NCAM2: variants seen among roughly 807,000 people sequenced by gnomAD.
The protein encoded by NCAM2 is neural cell adhesion molecule 2, also known as N-CAM-2.
Under a neutral mutation model 98.1 loss-of-function variants are expected in NCAM2, and 30 were observed. The ratio of observed to expected loss-of-function variants is 0.31; its 90% confidence interval spans 0.23 to 0.41. The LOEUF is 0.41. Ranked by LOEUF, NCAM2 falls within the 10% of genes least tolerant of loss-of-function variation. NCAM2 has a pLI of 1.00. For missense variants in NCAM2, 867 were observed against 1,005.8 expected, an observed-to-expected ratio of 0.86 and a Z score of 1.87; for synonymous variants, 368 against 342.4, an observed-to-expected ratio of 1.07 and a Z score of -0.83.
chr21:21,405,802 A>G (rs1477769439), intron 9 of NCAM2, among the ~76,000 whole-genome samples: 3 of 152,198 alleles, frequency 2.0e-5, no homozygotes, highest in Non-Finnish European at 4.4e-5. Flanking sequence ...TTTCTTATTA[A>G]TTCAAAATGG....
chr21:21,502,317 ACT>A (rs1987690187), intron 15 of NCAM2, among the ~76,000 whole-genome samples: 1 of 151,902 alleles, frequency 6.6e-6, no homozygotes, highest in African/African-American at 2.4e-5. Context: ...TGTAGGATTA[ACT>A]CTGCACTATT....
Position 21,432,334 on chromosome 21 carries a change from AC to A in NCAM2, c.1654+55del. ...GTTAATTCAAGCTGATCTTCAGTATACCTGTATGATTGGCTTTTTCGGTTTC... is the reference window on the plus strand; with the variant it reads ...GTTAATTCAAGCTGATCTTCAGTATACTGTATGATTGGCTTTTTCGGTTTC... On this transcript the variant is annotated intron_variant, in intron 12 of 17. Transcript: ENST00000400546. 2.0e-6 allele frequency: 3 copies of A among 1,525,800 alleles called. No homozygotes were observed. The South Asian group carries it at 3.5e-5, about 18-fold the overall frequency. The allele number at this position is 1,525,800 out of a possible 1,614,324, so 94.5% of individuals were successfully genotyped here.
chr21:21,213,225 G>A (rs928521283), intron 1 of NCAM2, among the ~76,000 whole-genome samples: 3 of 152,034 alleles, frequency 2.0e-5, no homozygotes, highest in Non-Finnish European at 2.9e-5. Flanking sequence ...ACCAGCTATA[G>A]CAAATAGGGG....
intron 1 of NCAM2, among the ~76,000 whole-genome samples, chr21:21,037,934 TA>T (rs1300342648): frequency 1.4e-4 from 21 of 152,350 alleles, no homozygotes; most frequent in Admixed American, 1.2e-3. Context: ...ATTTTAAGGA[TA>T]TATTAATGTA....
chr21:21,430,561 G>A (rs188478528), intron 11 of NCAM2, among the ~76,000 whole-genome samples: 242 of 151,904 alleles, frequency 1.6e-3, no homozygotes, highest in African/African-American at 5.5e-3. Context: ...TTCACAGGGC[G>A]GCAGAACAGA....
At chr21:21,394,512 A>G (rs554968173) in intron 9 of NCAM2, among the ~76,000 whole-genome samples, 13 of 77,678 alleles carry the variant, frequency 1.7e-4, no homozygotes, top group Non-Finnish European at 2.5e-4. Flanking sequence ...TTTTTGAGAC[A>G]GAGTTGCGCT....
At chr21:21,389,370 C>T (rs1158922153) in intron 9 of NCAM2, among the ~76,000 whole-genome samples, 2 of 152,208 alleles carry the variant, frequency 1.3e-5, no homozygotes, top group African/African-American at 2.4e-5. Flanking sequence ...CCTTCCATGA[C>T]ACATGGGAAT....
At chr21:21,353,113 G>T (rs567054502) in intron 8 of NCAM2, among the ~76,000 whole-genome samples, 1 of 152,134 alleles carries the variant, frequency 6.6e-6, no homozygotes, top group South Asian at 2.1e-4. Context: ...GAGTTATCCT[G>T]TCTTCATTCC....
At chr21:21,314,949 A>C (rs997289896) in intron 5 of NCAM2, among the ~76,000 whole-genome samples, 2 of 152,206 alleles carry the variant, frequency 1.3e-5, no homozygotes, top group African/African-American at 2.4e-5. Flanking sequence ...TGCCATTGGC[A>C]TTTCCAATGA....
chr21:21,505,482 C>T (rs906133912), intron 15 of NCAM2, among the ~76,000 whole-genome samples: 17 of 151,948 alleles, frequency 1.1e-4, no homozygotes, highest in African/African-American at 4.1e-4. Context: ...TATAATTTTT[C>T]TGAAAGCTTT....
intron 6 of NCAM2, among the ~76,000 whole-genome samples, chr21:21,332,973 A>C (rs1015801511): frequency 9.2e-5 from 14 of 152,232 alleles, no homozygotes; most frequent in African/African-American, 3.4e-4. Flanking sequence ...TAGTGTTTAC[A>C]TTAATTCTGT....
At chr21:21,044,937 T>C (rs8134599) in intron 1 of NCAM2, among the ~76,000 whole-genome samples, 141,557 of 152,114 alleles carry the variant, frequency 0.93, 66,702 homozygotes, top group East Asian at 1. Context: ...TGTATGTGTA[T>C]GTATATATGT....
intron 13 of NCAM2, 72 bp downstream of exon 13, chr21:21,466,797 T>G: frequency 6.9e-7 from 1 of 1,440,740 alleles, no homozygotes; most frequent in Admixed American, 2.1e-5. Flanking sequence ...GATTTTAAAA[T>G]GTAGGGAGAT....
chr21:21,516,889 T>C (rs1988743522), intron 16 of NCAM2, among the ~76,000 whole-genome samples: 1 of 152,186 alleles, frequency 6.6e-6, no homozygotes, highest in Admixed American at 6.6e-5. Context: ...TCATCTTTTT[T>C]CTCTGTGTTT....
chr21:21,343,394 CAA>C (rs2075101800), intron 8 of NCAM2, among the ~76,000 whole-genome samples: 1 of 151,218 alleles, frequency 6.6e-6, no homozygotes, highest in Non-Finnish European at 1.5e-5. Flanking sequence ...CACACACACA[CAA>C]TCTTCATGAG....
chr21:21,477,254 T>C (rs762298113), intron 14 of NCAM2, 37 bp from the exon 15 acceptor site: 13 of 1,499,838 alleles, frequency 8.7e-6, no homozygotes, highest in Non-Finnish European at 1.2e-5. Context: ...CTTTAGTGTA[T>C]GGATATTTAC....
intron 1 of NCAM2, among the ~76,000 whole-genome samples, chr21:21,275,176 C>A (rs1183087541): frequency 6.6e-6 from 1 of 151,980 alleles, no homozygotes; most frequent in Non-Finnish European, 1.5e-5. Flanking sequence ...CGCGGTGGCT[C>A]ACGCCTGTAA....
intron 8 of NCAM2, among the ~76,000 whole-genome samples, chr21:21,358,213 A>G (rs1424900538): frequency 6.6e-6 from 1 of 152,084 alleles, no homozygotes; most frequent in Non-Finnish European, 1.5e-5. Context: ...TAGGATTTAG[A>G]TCTGTGAGTT....
At chr21:21,320,599 A>G (rs2074351319) in intron 5 of NCAM2, among the ~76,000 whole-genome samples, 1 of 152,132 alleles carries the variant, frequency 6.6e-6, no homozygotes. Flanking sequence ...AAAAAAAGAA[A>G]ACAGATGGAT....
Sources: allele counts gnomAD v4.1 joint callset (sites outside exome capture counted in the v4.1 genomes callset), GRCh38; gene constraint gnomAD v4.1.1; transcripts MANE v1.5; gene names NCBI Gene and HGNC (gene_info 2026-07-23, HGNC 2026-07-21).